Variants in GALNT16 observed in about 807,000 individuals in gnomAD.
GALNT16 encodes the protein UDP-GalNAc:polypeptide N-acetylgalactosaminyltransferase-like protein 1.
In GALNT16, 40 loss-of-function variants were observed where a neutral mutation model predicts 76.1. That is an observed-to-expected ratio of 0.53 (90% confidence interval 0.41 to 0.68). The LOEUF (loss-of-function observed/expected upper bound fraction) is 0.68, where lower values mean the gene tolerates loss of function less well. Among genes scored for constraint, GALNT16 ranks in the 30% least tolerant of loss-of-function variants. The pLI, the probability that GALNT16 is intolerant of heterozygous loss-of-function variation, is 0.00. For missense variants in GALNT16, 621 were observed against 731.9 expected, an observed-to-expected ratio of 0.85 and a Z score of 1.75; for synonymous variants, 276 against 285.2, an observed-to-expected ratio of 0.97 and a Z score of 0.32.
chr14:69,358,042 T>G (rs1356355894), downstream of GALNT16: 1 of 152,322 alleles, frequency 6.6e-6, no homozygotes, highest in Non-Finnish European at 1.5e-5. Context: ...TACTCCTTAC[T>G]GTACTTCCCC....
intron 1 of GALNT16, among the ~76,000 whole-genome samples, chr14:69,311,917 G>T (rs1469663256): frequency 5.3e-5 from 8 of 150,924 alleles, no homozygotes; most frequent in African/African-American, 2.0e-4. Context: ...CCCTTAATAT[G>T]TTGGGGCAGG....
intron 12 of GALNT16, among the ~76,000 whole-genome samples, 162 bp from the exon 13 acceptor site, chr14:69,346,878 C>T (rs1468486583): frequency 5.9e-5 from 9 of 152,158 alleles, no homozygotes; most frequent in African/African-American, 2.2e-4. Flanking sequence ...TCCCAGAGGC[C>T]ACTCCTGCTC....
intron 1 of GALNT16, among the ~76,000 whole-genome samples, chr14:69,295,070 G>GA (rs951642858): frequency 1.4e-4 from 22 of 151,844 alleles, no homozygotes; most frequent in African/African-American, 5.3e-4. Context: ...AATCTATTAC[G>GA]AAAAAATTTA....
chr14:69,360,359 GA>G (rs58375781), downstream of GALNT16, among the ~76,000 whole-genome samples: 420 of 131,936 alleles, frequency 3.2e-3, 2 homozygotes, highest in South Asian at 0.016. Flanking sequence ...ATCTCAAAAA[GA>G]AAAAAAAAAA....
intron 1 of GALNT16, among the ~76,000 whole-genome samples, chr14:69,269,361 G>A (rs376015671): frequency 1.2e-3 from 171 of 140,934 alleles, no homozygotes; most frequent in Non-Finnish European, 2.1e-3. Context: ...AACGTGTGAT[G>A]TATGATATAT....
chr14:69,290,901 AAGCTTCAGGACCCACAG>A (rs2044679566), intron 1 of GALNT16, among the ~76,000 whole-genome samples: 1 of 152,246 alleles, frequency 6.6e-6, no homozygotes, highest in South Asian at 2.1e-4. Context: ...AGGTTCCCTG[AAGCTTCAGGACCCACAG>A]AGCTCCCTTG....
intron 1 of GALNT16, among the ~76,000 whole-genome samples, chr14:69,288,749 C>T (rs1175526987): frequency 6.6e-6 from 1 of 152,188 alleles, no homozygotes; most frequent in East Asian, 1.9e-4. Context: ...TCCACAGCAT[C>T]AGAAACTTCA....
At chr14:69,283,411 G>A (rs2044569757) in intron 1 of GALNT16, among the ~76,000 whole-genome samples, 1 of 152,148 alleles carries the variant, frequency 6.6e-6, no homozygotes, top group African/African-American at 2.4e-5. Context: ...TGCTCACTTG[G>A]TCTTTCATAG....
intron 1 of GALNT16, among the ~76,000 whole-genome samples, chr14:69,269,706 G>A (rs1353722184): frequency 2.0e-5 from 3 of 150,460 alleles, no homozygotes; most frequent in Non-Finnish European, 4.4e-5. Flanking sequence ...TGTGTATGTA[G>A]TGTGTGTGTG....
At chr14:69,341,907 G>C (rs1048277797) in intron 12 of GALNT16, 143 bp downstream of exon 12, 3 of 643,588 alleles carry the variant, frequency 4.7e-6, no homozygotes, top group Non-Finnish European at 8.5e-6. Flanking sequence ...TCACGTGACG[G>C]CTGTGGGGGA....
At chr14:69,306,386 T>C (rs2044934365) in intron 1 of GALNT16, among the ~76,000 whole-genome samples, 1 of 152,210 alleles carries the variant, frequency 6.6e-6, no homozygotes, top group Non-Finnish European at 1.5e-5. Context: ...TACACTTTTT[T>C]TTACTTTTGA....
chr14:69,322,230 GT>G (rs1347269299), intron 2 of GALNT16, among the ~76,000 whole-genome samples: 3 of 152,268 alleles, frequency 2.0e-5, no homozygotes, highest in Non-Finnish European at 2.9e-5. Context: ...CCTGCTGGCT[GT>G]TTCTGGGCCT....
intron 5 of GALNT16, 36 bp from the exon 6 acceptor site, chr14:69,328,414 A>C: frequency 6.2e-7 from 1 of 1,602,806 alleles, no homozygotes; most frequent in African/African-American, 1.3e-5. Context: ...CAGTTGGCCC[A>C]GTCCCAGCGC....
rs535413139 is a variant in GALNT16, at chr14:69,282,385, C to T, written c.177+21918C>T. On this transcript the variant is annotated intron_variant, in intron 1 of 14. Transcript: ENST00000448469. ...GGACCTCAAGTTGTCCTGCCCTGGG[C>T]GCTTTGCACAGGCCATCCTCTCTGC... Among the ~76,000 whole-genome samples the T allele has an allele frequency of 2.6e-4, 40 of 152,258 alleles. 1 individual carries two copies. Among genetic ancestry groups the T allele is most frequent in the Admixed American group, 9.8e-4 (15 of 15,290 alleles).
chr14:69,328,007 G>A (rs1439770793), intron 5 of GALNT16, among the ~76,000 whole-genome samples: 1 of 152,190 alleles, frequency 6.6e-6, no homozygotes, highest in Admixed American at 6.5e-5. Flanking sequence ...GGTAAGGAAA[G>A]GGGCTGCCAT....
intron 1 of GALNT16, among the ~76,000 whole-genome samples, chr14:69,301,861 G>A (rs1243598818): frequency 2.0e-5 from 3 of 152,144 alleles, no homozygotes; most frequent in African/African-American, 7.2e-5. Flanking sequence ...ATGGTGGTGT[G>A]CACCTGTAGT....
At chr14:69,341,873 C>T (rs985178980) in intron 12 of GALNT16, 109 bp downstream of exon 12, 8 of 702,820 alleles carry the variant, frequency 1.1e-5, no homozygotes, top group South Asian at 1.1e-4. Context: ...GGTGATCTGG[C>T]TTTCTAGCTG....
chr14:69,375,603 C>A, the GALNT16 span, among the ~76,000 whole-genome samples: 1 of 151,406 alleles, frequency 6.6e-6, no homozygotes, highest in Non-Finnish European at 1.5e-5. Context: ...CTTTTGGATT[C>A]TTTTTTTTTA....
At chr14:69,291,648 A>G (rs1350374950) in intron 1 of GALNT16, among the ~76,000 whole-genome samples, 4 of 152,184 alleles carry the variant, frequency 2.6e-5, no homozygotes. Context: ...AGGGAGTGGG[A>G]TGGGGAAAGA....
Sources: allele counts gnomAD v4.1 joint callset (sites outside exome capture counted in the v4.1 genomes callset), GRCh38; gene constraint gnomAD v4.1.1; transcripts MANE v1.5; gene names NCBI Gene and HGNC (gene_info 2026-07-23, HGNC 2026-07-21).